IFNAR2: variants seen among roughly 807,000 people sequenced by gnomAD.
IFNAR2 encodes the protein interferon alpha/beta receptor 2.
IFNAR2 carries 30 observed loss-of-function variants against 49.4 expected under a neutral mutation model. That is an observed-to-expected ratio of 0.61 (90% CI 0.45 to 0.82). The LOEUF (loss-of-function observed/expected upper bound fraction) is 0.82, where lower values mean the gene tolerates loss of function less well. Among genes scored for constraint, IFNAR2 ranks in the 40% least tolerant of loss-of-function variants. The pLI is 0.00. For missense variants in IFNAR2, 600 were observed against 622.7 expected (o/e 0.96, Z 0.39); for synonymous variants, 224 against 234.5 (o/e 0.96, Z 0.41).
intron 6 of IFNAR2, among the ~76,000 whole-genome samples, chr21:33,249,343 C>CAAAAAA (rs58744346): frequency 9.3e-6 from 1 of 107,208 alleles, no homozygotes; most frequent in African/African-American, 3.6e-5. Flanking sequence ...GACTCCGTCT[C>CAAAAAA]AAAAAAAAAA....
chr21:33,232,998 T>A (rs1986174471), intron 1 of IFNAR2: 1 of 937,844 alleles, frequency 1.1e-6, no homozygotes, highest in Admixed American at 6.2e-5. Flanking sequence ...GAATTACACT[T>A]GGAACAGAAG....
chr21:33,263,831 T>G lies in IFNAR2; in HGVS notation c.*331T>G. ...CAGTTTCAGAGGTGGTCCAGGACCC[T>G]ATGATATTTCTCTTCTTTCGTTCTT... is the stretch of plus-strand genomic sequence containing the variant. On this transcript the variant is annotated 3_prime_UTR_variant, in exon 9 of 9. Transcript: ENST00000342136. 4.6e-6 allele frequency: 1 copy of G among 219,104 alleles called. No homozygotes were observed. The highest frequency in any genetic ancestry group is 1.0e-4 in the East Asian group (1 of 9,578). 13.6% of individuals were successfully genotyped at this position (219,104 alleles called of 1,614,324 possible). A position where few individuals can be genotyped will look rare whatever the true frequency, so the allele number is the denominator to read the frequency against.
chr21:33,231,372 T>A lies in IFNAR2; in HGVS notation c.-84+1156T>A, dbSNP rs149877025. Among the ~76,000 whole-genome samples, 215 of 152,360 alleles carry A rather than the reference T, an allele frequency of 1.4e-3. No homozygotes were observed. In the Middle Eastern group the frequency reaches 0.017, roughly 12 times the overall value. On this transcript the variant is annotated intron_variant, in intron 1 of 8. Coordinates refer to ENST00000342136, the MANE Select transcript of IFNAR2 (RefSeq NM_001289125.3). ...TTGTAAGTTCTATTGTTCATAAAGT[T>A]GTTTTCCACAATTTTAGATAATCAA...
intron 3 of IFNAR2, among the ~76,000 whole-genome samples, chr21:33,244,293 A>G (rs1438442559): frequency 6.6e-6 from 1 of 152,186 alleles, no homozygotes; most frequent in Non-Finnish European, 1.5e-5. Context: ...GTCTGGCTTT[A>G]ATGTCTCATT....
At chr21:33,251,731 A>G (rs1987849952) in intron 6 of IFNAR2, 3 of 985,112 alleles carry the variant, frequency 3.0e-6, no homozygotes, top group Non-Finnish European at 3.6e-6. Context: ...AAGAGCCTTC[A>G]TATCATCTTT....
intron 5 of IFNAR2, among the ~76,000 whole-genome samples, 167 bp downstream of exon 5, chr21:33,247,057 G>A (rs1172183556): frequency 6.6e-6 from 1 of 152,108 alleles, no homozygotes; most frequent in African/African-American, 2.4e-5. Context: ...TTGCTTCTCT[G>A]AGCCTTGGTT....
rs1601820374 is a variant in IFNAR2, at chr21:33,262,443, C to T, written c.841-350C>T. On this transcript the variant is annotated intron_variant, in intron 8 of 8. Coordinates refer to ENST00000342136, the MANE Select transcript of IFNAR2 (RefSeq NM_001289125.3). ...GAAAGGTAAATTATATATAAAGCAC[C>T]AAGAGTCATGCCCAGCATATAGTAA... 19 of 593,036 alleles carry T rather than the reference C, an allele frequency of 3.2e-5. No individual in the cohort carries two copies. In the East Asian group the frequency reaches 5.3e-4, roughly 17 times the overall value. The allele number at this position is 593,036 out of a possible 1,614,324, so 36.7% of individuals were successfully genotyped here.
Position 33,230,497 on chromosome 21 carries a change from C to G in IFNAR2, c.-84+281C>G, listed in dbSNP as rs887881380. The G allele has an allele frequency of 2.1e-6, 1 of 470,326 alleles. No individual in the cohort carries two copies. The highest frequency in any genetic ancestry group is 4.4e-6 in the Non-Finnish European group (1 of 226,754). 29.1% of individuals were successfully genotyped at this position (470,326 alleles called of 1,614,324 possible). ...GGGAGTCCGCTTTCGTTGCACCCCT[C>G]CGCGTCCCACCCCACCCCACCAAGG... On this transcript the variant is annotated intron_variant, in intron 1 of 8. Transcript: ENST00000342136. This position sits in a 1 kb window ranked among gnomAD's most constrained non-coding sequence, Gnocchi z 5.5.
intron 1 of IFNAR2, among the ~76,000 whole-genome samples, chr21:33,237,403 C>T (rs1986564935): frequency 6.6e-6 from 1 of 151,804 alleles, no homozygotes. Flanking sequence ...GGTGTAGTGG[C>T]AAATGCCTGT....
chr21:33,247,254 C>CTTTTTTGTTTTT (rs1987503468), intron 5 of IFNAR2, among the ~76,000 whole-genome samples: 1 of 91,574 alleles, frequency 1.1e-5, no homozygotes, highest in Non-Finnish European at 2.1e-5. Flanking sequence ...TTCTTTCTTT[C>CTTTTTTGTTTTT]TTTTTTTTTT....
intron 8 of IFNAR2, chr21:33,262,506 C>A: frequency 1.5e-6 from 1 of 675,602 alleles, no homozygotes; most frequent in South Asian, 1.6e-5. Flanking sequence ...TTGCTGTCAT[C>A]ATCATCAACT....
Position 33,263,355 on chromosome 21 carries a change from A to C in IFNAR2, c.1403A>C (p.Asn468Thr). The change falls in exon 9 of 9, where the codon AAC becomes ACC. Residue 468 changes from asparagine (N) to threonine (T), a missense_variant. Physicochemically the swap from Asn to Thr is moderately conservative, Grantham distance 65 (BLOSUM62 0). Coordinates refer to ENST00000342136, the MANE Select transcript of IFNAR2 (RefSeq NM_001289125.3). The part of the protein sequence containing the change: ...DPEDPDNVQS[N>T]HLLASGEGTQ... ...GAGGATCCTGATAATGTGCAATCAA[A>C]CCATTTGCTGGCCAGCGGGGAAGGG... The C allele has an allele frequency of 6.2e-7, 1 of 1,614,124 alleles. No homozygotes were observed. The highest frequency in any genetic ancestry group is 8.5e-7 in the Non-Finnish European group (1 of 1,180,008).
Position 33,263,611 on chromosome 21 carries a change from G to A in IFNAR2, c.*111G>A. On this transcript the variant is annotated 3_prime_UTR_variant, in exon 9 of 9. Coordinates refer to ENST00000342136, the MANE Select transcript of IFNAR2 (RefSeq NM_001289125.3). The stretch of plus-strand genomic sequence containing the variant: ...CAAGTGTTCTCCAAGGGAAGGAGGA[G>A]GAAACTGTGGTGTTCCTTTCTTCCA... 1 of 1,005,590 alleles carries A rather than the reference G, an allele frequency of 9.9e-7. No homozygotes were observed. The highest frequency in any genetic ancestry group is 1.4e-6 in the Non-Finnish European group (1 of 702,264). The allele number at this position is 1,005,590 out of a possible 1,614,324, so 62.3% of individuals were successfully genotyped here.
rs767168940 is a variant in IFNAR2 at position 33,243,709 on chromosome 21, C to T, written c.92C>T (p.Ser31Leu). ...ISLVFGISYD[S>L]PDYTDESCTF... is the part of the protein sequence containing the mutation. ...CTCGTGTTTGGTATTTCATATGATTCGCCTGGTAAGAGATGTTTTTTGGCT... is the reference window on the plus strand; with the variant it reads ...CTCGTGTTTGGTATTTCATATGATTTGCCTGGTAAGAGATGTTTTTTGGCT... Residue 31 changes from serine (S) to leucine (L), a missense_variant, in exon 3 of 9, where the codon TCG (serine) becomes TTG (leucine). Coordinates refer to ENST00000342136, the MANE Select transcript of IFNAR2 (RefSeq NM_001289125.3). 49 of 1,611,824 alleles carry T rather than the reference C, an allele frequency of 3.0e-5. No individual in the cohort carries two copies. Among genetic ancestry groups the T allele is most frequent in the Non-Finnish European group, 3.8e-5 (45 of 1,178,170 alleles).
Position 33,246,826 on chromosome 21 carries a change from A to G in IFNAR2, c.330A>G (p.Leu110=), listed in dbSNP as rs1225898424. The part of the protein sequence containing the change: ...RSTHEAYVTV[L]EGFSGNTTLF... ...CACACGAGGCCTATGTCACCGTCCT[A>G]GAAGGATTCAGCGGGAACACAACGT... The change falls in exon 5 of 9, where the codon CTA becomes CTG. Residue 110 remains leucine (L), a synonymous_variant. Coordinates refer to ENST00000342136, the MANE Select transcript of IFNAR2 (RefSeq NM_001289125.3). 4 of 1,614,222 alleles carry G rather than the reference A, an allele frequency of 2.5e-6. No homozygotes were observed. Among genetic ancestry groups the G allele is most frequent in the African/African-American group, 1.3e-5 (1 of 75,062 alleles).
intron 7 of IFNAR2, among the ~76,000 whole-genome samples, chr21:33,254,537 CT>C (rs1988079835): frequency 6.6e-6 from 1 of 152,130 alleles, no homozygotes. Context: ...GAGTCTGGCA[CT>C]TTTTTAAGTC....
Position 33,230,570 on chromosome 21 carries a change from T to C in IFNAR2, c.-84+354T>C, listed in dbSNP as rs1350381526. Reference sequence around the variant, plus strand: ...GCCACTGCAAGATGTGAGTCGTTGCTAAGTTTGAGGGTCACATTCCTCCAG... The same window carrying C: ...GCCACTGCAAGATGTGAGTCGTTGCCAAGTTTGAGGGTCACATTCCTCCAG... On this transcript the variant is annotated intron_variant, in intron 1 of 8. Coordinates refer to ENST00000342136, the MANE Select transcript of IFNAR2 (RefSeq NM_001289125.3). The surrounding 1 kb of genome is among the most constrained non-coding windows in gnomAD (Gnocchi z 5.5). The C allele has an allele frequency of 8.5e-6, 4 of 470,890 alleles. No homozygotes were observed. Among genetic ancestry groups the C allele is most frequent in the South Asian group, 6.2e-5 (4 of 64,530 alleles). 29.2% of individuals were successfully genotyped at this position (470,890 alleles called of 1,614,324 possible).
intron 1 of IFNAR2, among the ~76,000 whole-genome samples, chr21:33,237,360 C>G (rs1432337409): frequency 6.7e-6 from 1 of 148,740 alleles, no homozygotes; most frequent in Non-Finnish European, 1.5e-5. Flanking sequence ...AGCAAAGCCC[C>G]ATCTCTAAAA....
chr21:33,247,531 TGA>T (rs1987531308), intron 5 of IFNAR2, among the ~76,000 whole-genome samples: 1 of 152,138 alleles, frequency 6.6e-6, no homozygotes, highest in African/African-American at 2.4e-5. Context: ...GTTACAAGCA[TGA>T]GCCACCACAC....
Sources: gnomAD v4.1 joint callset for allele counts (sites outside exome capture counted in the v4.1 genomes callset) on GRCh38, gnomAD v4.1.1 for gene constraint, Gnocchi (gnomAD v3.1) non-coding constraint, MANE v1.5 for transcripts, NCBI Gene and HGNC (gene_info 2026-07-23, HGNC 2026-07-21) for gene names.